The following LRRTM4 variants were observed in gnomAD, a reference collection of about 807,000 sequenced individuals.
LRRTM4 encodes the protein leucine-rich repeat transmembrane neuronal protein 4.
LRRTM4 carries 25 observed loss-of-function variants against 47.6 expected under a neutral mutation model. That is an observed-to-expected ratio of 0.53 (90% CI 0.38 to 0.73). The LOEUF (loss-of-function observed/expected upper bound fraction) is 0.73, where lower values mean the gene tolerates loss of function less well. LRRTM4 is among the 30% of genes least tolerant of loss of function. LRRTM4 has a pLI of 0.00. For synonymous variants in LRRTM4, 311 were observed against 269.5 expected, an observed-to-expected ratio of 1.15 and a Z score of -1.51; for missense variants, 638 against 713.4, an observed-to-expected ratio of 0.89 and a Z score of 1.20.
At chr2:77,337,705 C>T (rs2104267511) in intron 3 of LRRTM4, among the ~76,000 whole-genome samples, 1 of 152,186 alleles carries the variant, frequency 6.6e-6, no homozygotes, top group African/African-American at 2.4e-5. Context: ...AACTGTAAGT[C>T]AATTAAACCT....
rs556491967 is a variant in LRRTM4 at position 76,880,011 on chromosome 2, A to G, written c.1552-131095T>C. 1.4e-4 allele frequency among the ~76,000 whole-genome samples: 21 copies of G among 152,354 alleles called. 1 individual carries two copies. The highest frequency in any genetic ancestry group is 5.1e-4 in the African/African-American group (21 of 41,582). On this transcript the variant is annotated intron_variant, in intron 3 of 3. Coordinates refer to ENST00000409884, the MANE Select transcript of LRRTM4 (RefSeq NM_001134745.3). ...TAATAAAATTTCAGTGAATGAGGAG[A>G]TGCTCCTAATGGAGCTAAGAAAGTA...
intron 3 of LRRTM4, among the ~76,000 whole-genome samples, chr2:76,922,918 TGGAAACTAA>T (rs1674477299): frequency 6.6e-6 from 1 of 152,174 alleles, no homozygotes; most frequent in South Asian, 2.1e-4. Context: ...GGAAGTGTCA[TGGAAACTAA>T]AATGATAAAT....
chr2:77,159,666 G>C (rs1165470680), intron 3 of LRRTM4, among the ~76,000 whole-genome samples: 2 of 151,950 alleles, frequency 1.3e-5, no homozygotes, highest in Admixed American at 1.3e-4. Flanking sequence ...GAAATAGGAG[G>C]GTTTGGTCTT....
rs912893319 is a variant in LRRTM4 at position 76,747,918 on chromosome 2, C to T, written c.*777G>A. ...GAATGATTCTGCTGGTCTTCTCATTCGGAGATCTTCATGGCTCTCTCAGGC... is the reference window on the plus strand; with the variant it reads ...GAATGATTCTGCTGGTCTTCTCATTTGGAGATCTTCATGGCTCTCTCAGGC... On this transcript the variant is annotated 3_prime_UTR_variant, in exon 4 of 4. Coordinates refer to ENST00000409884, the MANE Select transcript of LRRTM4 (RefSeq NM_001134745.3). The T allele has an allele frequency of 5.9e-5, 9 of 152,114 alleles. No individual in the cohort carries two copies. Among genetic ancestry groups the T allele is most frequent in the South Asian group, 4.2e-4 (2 of 4,818 alleles). The allele number at this position is 152,114 out of a possible 1,614,324, so 9.4% of individuals were successfully genotyped here. A position where few individuals can be genotyped will look rare whatever the true frequency, so the allele number is the denominator to read the frequency against.
At chr2:77,117,970 A>G (rs548147357) in intron 3 of LRRTM4, among the ~76,000 whole-genome samples, 1 of 152,094 alleles carries the variant, frequency 6.6e-6, no homozygotes, top group African/African-American at 2.4e-5. Flanking sequence ...GTGAATGTGC[A>G]CTGCAAATTA....
intron 3 of LRRTM4, among the ~76,000 whole-genome samples, chr2:76,879,452 CTGTTTACAGCAT>C (rs1672867955): frequency 6.6e-6 from 1 of 152,218 alleles, no homozygotes; most frequent in South Asian, 2.1e-4. Context: ...GACAGAACAT[CTGTTTACAGCAT>C]GGTTTCCTGA....
At chr2:77,480,822 G>A (rs868287525) in intron 3 of LRRTM4, among the ~76,000 whole-genome samples, 107 of 74,526 alleles carry the variant, frequency 1.4e-3, no homozygotes, top group African/African-American at 5.7e-3. Flanking sequence ...GTGTGTGTGT[G>A]GAGAGAGAGA....
At chr2:77,474,726 C>A (rs550325929) in intron 3 of LRRTM4, among the ~76,000 whole-genome samples, 10 of 151,964 alleles carry the variant, frequency 6.6e-5, no homozygotes, top group Non-Finnish European at 1.2e-4. Flanking sequence ...GATTGAGGAT[C>A]AAAATTAGTT....
At chr2:77,248,453 T>C (rs1265138399) in intron 3 of LRRTM4, among the ~76,000 whole-genome samples, 1 of 152,096 alleles carries the variant, frequency 6.6e-6, no homozygotes, top group Non-Finnish European at 1.5e-5. Context: ...CTTGATATTG[T>C]CAAGATGTCA....
intron 3 of LRRTM4, among the ~76,000 whole-genome samples, chr2:76,972,190 C>G (rs1676242581): frequency 2.0e-5 from 3 of 151,956 alleles, no homozygotes; most frequent in Non-Finnish European, 4.4e-5. Flanking sequence ...CTGAGAAACT[C>G]TAGTCAAATC....
chr2:77,482,140 A>G (rs79579304), intron 3 of LRRTM4, among the ~76,000 whole-genome samples: 6,512 of 152,236 alleles, frequency 0.043, 468 homozygotes, highest in East Asian at 0.34. Flanking sequence ...TTTAAAAAAG[A>G]AGATAATAGA....
At chr2:77,345,522 A>G (rs1671529933) in intron 3 of LRRTM4, among the ~76,000 whole-genome samples, 1 of 152,032 alleles carries the variant, frequency 6.6e-6, no homozygotes, top group Non-Finnish European at 1.5e-5. Context: ...AAGGAGATAT[A>G]CAGATGGTTA....
At chr2:76,919,980 T>C (rs980440582) in intron 3 of LRRTM4, among the ~76,000 whole-genome samples, 2 of 152,112 alleles carry the variant, frequency 1.3e-5, no homozygotes, top group Non-Finnish European at 2.9e-5. Context: ...TTTTTTGAAA[T>C]GCTATTTACT....
intron 3 of LRRTM4, among the ~76,000 whole-genome samples, chr2:77,084,292 G>T (rs1210510399): frequency 1.3e-5 from 2 of 152,152 alleles, no homozygotes; most frequent in African/African-American, 4.8e-5. Context: ...GGCTAGGCTA[G>T]TTGCAACCAT....
intron 3 of LRRTM4, among the ~76,000 whole-genome samples, chr2:76,997,967 C>G (rs1677262969): frequency 6.6e-6 from 1 of 151,958 alleles, no homozygotes; most frequent in South Asian, 2.1e-4. Flanking sequence ...GTTACTGTCT[C>G]CCATCACCCC....
At chr2:76,848,349 C>T (rs536574783) in intron 3 of LRRTM4, among the ~76,000 whole-genome samples, 2 of 152,140 alleles carry the variant, frequency 1.3e-5, no homozygotes, top group South Asian at 4.1e-4. Context: ...CTACCATCTG[C>T]AAATAGTTCA....
At chr2:77,228,833 A>C (rs1254269921) in intron 3 of LRRTM4, among the ~76,000 whole-genome samples, 2 of 152,164 alleles carry the variant, frequency 1.3e-5, no homozygotes, top group African/African-American at 4.8e-5. Context: ...CACCCCTACT[A>C]GACATCTGGG....
At chr2:76,862,200 G>C (rs555460723) in intron 3 of LRRTM4, among the ~76,000 whole-genome samples, 1 of 152,016 alleles carries the variant, frequency 6.6e-6, no homozygotes, top group Admixed American at 6.6e-5. Context: ...TTTCCACAGT[G>C]TTTGATATCA....
At chr2:77,277,551 G>C (rs973587355) in intron 3 of LRRTM4, among the ~76,000 whole-genome samples, 1 of 151,984 alleles carries the variant, frequency 6.6e-6, no homozygotes, top group Non-Finnish European at 1.5e-5. Flanking sequence ...CTTTCATCAA[G>C]AGAAAGTGAA....
Sources: gnomAD v4.1 joint callset for allele counts (sites outside exome capture counted in the v4.1 genomes callset) on GRCh38, gnomAD v4.1.1 for gene constraint, MANE v1.5 for transcripts, NCBI Gene and HGNC (gene_info 2026-07-23, HGNC 2026-07-21) for gene names.